Variants in LITAF observed in about 807,000 individuals in gnomAD.
The protein encoded by LITAF is lipopolysaccharide induced TNF factor, also known as lipopolysaccharide-induced tumor necrosis factor-alpha factor.
Under a neutral mutation model 14.5 loss-of-function variants are expected in LITAF, and 9 were observed. That is an observed-to-expected ratio of 0.62 (90% CI 0.37 to 1.08). The LOEUF is 1.08. LITAF is among the 50% of genes least tolerant of loss of function. LITAF has a pLI of 0.01. For missense variants in LITAF, 206 were observed against 213.4 expected (o/e 0.97, Z 0.22); for synonymous variants, 98 against 88.2 (o/e 1.11, Z -0.62).
At position 11,619,320 on chromosome 16, in the gene LITAF, A is replaced by C. The variant is rs530678479; in HGVS notation, c.85+14213T>G. ...AGCAAGACTTCGTCTCAAAAACAAAAAACAAAAAAAAAAACCCCAGCACTG... is the reference window on the plus strand; with the variant it reads ...AGCAAGACTTCGTCTCAAAAACAAACAACAAAAAAAAAAACCCCAGCACTG... On this transcript the variant is annotated intron_variant, in intron 3 of 3. Transcript: ENST00000574848. Among the ~76,000 whole-genome samples the C allele has an allele frequency of 2.3e-3, 338 of 146,224 alleles. 1 individual carries two copies. Among genetic ancestry groups the C allele is most frequent in the Admixed American group, 3.9e-3 (59 of 14,984 alleles).
chr16:11,639,403 T>G (rs950825307), upstream of LITAF, among the ~76,000 whole-genome samples: 2 of 123,500 alleles, frequency 1.6e-5, no homozygotes, highest in Admixed American at 9.5e-5. Context: ...GATAGATGGG[T>G]GGATGGATGG....
chr16:11,552,739 G>A (rs774982012), intron 3 of LITAF, among the ~76,000 whole-genome samples: 7 of 152,068 alleles, frequency 4.6e-5, no homozygotes, highest in South Asian at 4.1e-4. Context: ...ACTGGGGAGC[G>A]TGGTGCTCCT....
intron 3 of LITAF, among the ~76,000 whole-genome samples, chr16:11,552,669 G>A (rs1158222523): frequency 4.6e-5 from 7 of 152,106 alleles, no homozygotes; most frequent in East Asian, 3.9e-4. Context: ...TTCTGGGGAC[G>A]GATACGCTTA....
intron 3 of LITAF, among the ~76,000 whole-genome samples, chr16:11,614,932 G>A (rs986321637): frequency 3.3e-5 from 5 of 152,210 alleles, no homozygotes; most frequent in African/African-American, 9.6e-5. Context: ...TCATGACAGC[G>A]AATGCATGGC....
Position 11,548,031 on chromosome 16 carries a change from A to G in LITAF, c.*1606T>C, listed in dbSNP as rs1375346227. The G allele has an allele frequency of 1.5e-5, 7 of 454,136 alleles. No individual in the cohort carries two copies. Among genetic ancestry groups the G allele is most frequent in the Admixed American group, 2.3e-5 (1 of 42,572 alleles). 28.1% of individuals were successfully genotyped at this position (454,136 alleles called of 1,614,324 possible). On this transcript the variant is annotated 3_prime_UTR_variant, in exon 4 of 4. Transcript: ENST00000622633. ...TGAACCAAAGACTTTATTTTTCAAA[A>G]GCAGGTAACACCAAAGTACTATGTG...
chr16:11,555,563 G>A (rs2064254993), intron 2 of LITAF, among the ~76,000 whole-genome samples: 1 of 151,762 alleles, frequency 6.6e-6, no homozygotes, highest in South Asian at 2.1e-4. Context: ...AGAGACTGAA[G>A]TGGGAGGATC....
At chr16:11,556,802 G>T in intron 1 of LITAF, 67 bp from the exon 2 acceptor site, 1 of 1,335,666 alleles carries the variant, frequency 7.5e-7, no homozygotes, top group Non-Finnish European at 1.1e-6. Flanking sequence ...TTTCACCTAA[G>T]TCTTCAATTT....
chr16:11,578,587 T>G (rs2064681985), intron 1 of LITAF, among the ~76,000 whole-genome samples: 1 of 152,118 alleles, frequency 6.6e-6, no homozygotes, highest in African/African-American at 2.4e-5. Flanking sequence ...TACCTCCTTT[T>G]CACTCTCTCT....
Position 11,553,685 on chromosome 16 carries a change from G to A in LITAF, c.225C>T (p.Thr75=), listed in dbSNP as rs373639052. 6.6e-5 allele frequency: 107 copies of A among 1,613,964 alleles called. No individual in the cohort carries two copies. Among genetic ancestry groups the A allele is most frequent in the Middle Eastern group, 3.3e-4 (2 of 6,084 alleles). Residue 75 remains threonine (T), a synonymous_variant, in exon 3 of 4, where the codon ACC becomes ACT. Coordinates refer to ENST00000622633, the MANE Select transcript of LITAF (RefSeq NM_001136472.2). This position sits in a 1 kb window ranked among gnomAD's most constrained non-coding sequence, Gnocchi z 7.7. ...PAPIPNNNPI[T]VQTVYVQHPI... ...GGTGCTGCACGTAGACCGTCTGCAC[G>A]GTAACTGATGAAAGGGAGAGGGACA...
chr16:11,599,497 C>T (rs534174302), upstream of LITAF, among the ~76,000 whole-genome samples: 4 of 152,254 alleles, frequency 2.6e-5, no homozygotes, highest in East Asian at 1.9e-4. Flanking sequence ...GAGCCCTGGG[C>T]TGGAACTCAT....
chr16:11,588,216 C>T (rs899237774), upstream of LITAF, among the ~76,000 whole-genome samples: 8 of 152,106 alleles, frequency 5.3e-5, no homozygotes, highest in Non-Finnish European at 8.8e-5. Flanking sequence ...ATGAAGGGGG[C>T]GGGTGCAGTG....
chr16:11,615,313 G>T (rs995132141), intron 3 of LITAF, among the ~76,000 whole-genome samples: 4 of 152,190 alleles, frequency 2.6e-5, no homozygotes, highest in African/African-American at 9.7e-5. Context: ...GAGGCAGGTG[G>T]ATCACCTGAG....
rs182808199 is a variant in LITAF at position 11,564,065 on chromosome 16, C to T, written c.-5-7330G>A. On this transcript the variant is annotated intron_variant, in intron 1 of 3. Coordinates refer to ENST00000622633, the MANE Select transcript of LITAF (RefSeq NM_001136472.2). The stretch of plus-strand genomic sequence containing the variant: ...GGGATTACAGGCACGTGCCACTAAA[C>T]CCAGCTAATTTTTTTGTATTTTTAC... Among the ~76,000 whole-genome samples, 19 of 152,126 alleles carry T rather than the reference C, an allele frequency of 1.2e-4. No homozygotes were observed. The East Asian group carries it at 2.9e-3, about 23-fold the overall frequency.
chr16:11,592,204 A>G (rs909951176), upstream of LITAF, among the ~76,000 whole-genome samples: 7 of 152,214 alleles, frequency 4.6e-5, no homozygotes, highest in African/African-American at 1.4e-4. Context: ...TATATATCTG[A>G]TAAGGGTCTA....
At chr16:11,622,877 G>A (rs551903077) in intron 3 of LITAF, among the ~76,000 whole-genome samples, 1 of 151,620 alleles carries the variant, frequency 6.6e-6, no homozygotes, top group South Asian at 2.1e-4. Flanking sequence ...CTGTGAAACA[G>A]GTATTTCGTA....
chr16:11,551,720 TACTC>T (rs1251012600), intron 3 of LITAF: 10 of 672,330 alleles, frequency 1.5e-5, no homozygotes, highest in Non-Finnish European at 2.7e-5. Context: ...TGGTCCCAGG[TACTC>T]AGGAGGCTGA....
chr16:11,556,279 G>A (rs530601194), intron 2 of LITAF: 99 of 555,246 alleles, frequency 1.8e-4, no homozygotes, highest in Non-Finnish European at 2.8e-4. Flanking sequence ...CAAAAGATTC[G>A]TATATGATGA....
At chr16:11,640,009 A>C (rs62040587), upstream of LITAF, among the ~76,000 whole-genome samples, 107,311 of 152,070 alleles carry the variant, frequency 0.71, 38,190 homozygotes, top group East Asian at 0.85. Flanking sequence ...TCCTGGCTCA[A>C]GCAATCCACC....
At chr16:11,624,899 TC>T (rs1339818433) in intron 3 of LITAF, among the ~76,000 whole-genome samples, 1 of 152,158 alleles carries the variant, frequency 6.6e-6, no homozygotes, top group African/African-American at 2.4e-5. Flanking sequence ...TAGTTTCCAC[TC>T]TGACCCTCCT....
Sources: gnomAD v4.1 joint callset for allele counts (sites outside exome capture counted in the v4.1 genomes callset) on GRCh38, gnomAD v4.1.1 for gene constraint, Gnocchi (gnomAD v3.1) non-coding constraint, MANE v1.5 for transcripts, NCBI Gene and HGNC (gene_info 2026-07-23, HGNC 2026-07-21) for gene names.